Variants in PCNX1 observed in about 807,000 individuals in gnomAD.
PCNX1 encodes pecanex 1.
PCNX1 carries 78 observed loss-of-function variants against 242.2 expected under a neutral mutation model. That is an observed-to-expected ratio of 0.32 (90% CI 0.27 to 0.39). The LOEUF is 0.39. Ranked by LOEUF, PCNX1 falls within the 10% of genes least tolerant of loss-of-function variation. The pLI, the probability that PCNX1 is intolerant of heterozygous loss-of-function variation, is 1.00. For synonymous variants in PCNX1, 1,024 were observed against 1,032.9 expected (o/e 0.99, Z 0.17); for missense variants, 2,581 against 2,856.5 (o/e 0.90, Z 2.20).
At chr14:70,961,529 G>T (rs1003308256) in intron 2 of PCNX1, among the ~76,000 whole-genome samples, 1 of 152,156 alleles carries the variant, frequency 6.6e-6, no homozygotes, top group African/African-American at 2.4e-5. Context: ...TTATCTTTAA[G>T]TACTGTGTTT....
At chr14:70,976,362 T>G (rs1465432762) in intron 5 of PCNX1, among the ~76,000 whole-genome samples, 1 of 136,348 alleles carries the variant, frequency 7.3e-6, no homozygotes. Flanking sequence ...TGCTCTTTCT[T>G]TCTTTCTTTC....
rs151225081 is a variant in PCNX1 at position 71,045,256 on chromosome 14, C to G, written c.3991C>G (p.Leu1331Val). The change falls in exon 20 of 36, where the codon CTA becomes GTA. Residue 1331 changes from leucine (L) to valine (V), a missense_variant. By Grantham distance (32) the Leu-to-Val change is conservative. Around this residue, in one of 9 missense-constraint regions of PCNX1, gnomAD observed 432 missense variants for 443.1 expected, o/e 0.97. Transcript: ENST00000304743. ...HCFSHPLLKTLEYNQYEVRNA... is the reference protein window; with the variant it reads ...HCFSHPLLKTVEYNQYEVRNA... ...TTTCTCTCATCCTCTGCTAAAGACA[C>G]TAGAGTATAATCAGTATGAAGTTCG... The G allele has an allele frequency of 6.2e-7, 1 of 1,611,702 alleles. No homozygotes were observed. Among genetic ancestry groups the G allele is most frequent in the Non-Finnish European group, 8.5e-7 (1 of 1,178,846 alleles).
Position 70,977,954 on chromosome 14 carries a change from A to G in PCNX1, c.1617A>G (p.Glu539=). 1 of 1,614,158 alleles carries G rather than the reference A, an allele frequency of 6.2e-7. No homozygotes were observed. Among genetic ancestry groups the G allele is most frequent in the Non-Finnish European group, 8.5e-7 (1 of 1,180,018 alleles). ...AAGATGTTGGTGGAAAGCAAAAGGAAGGGGATGTTCGACCTAAATCTTCTA... is the reference window on the plus strand; with the variant it reads ...AAGATGTTGGTGGAAAGCAAAAGGAGGGGGATGTTCGACCTAAATCTTCTA... The part of the protein sequence containing the change: ...VRKDVGGKQK[E]GDVRPKSSSV... The change falls in exon 6 of 36, where the codon GAA becomes GAG. Residue 539 remains glutamate (E), a synonymous_variant. Coordinates refer to ENST00000304743, the MANE Select transcript of PCNX1 (RefSeq NM_014982.3).
chr14:71,115,186 C>A lies in PCNX1; in HGVS notation c.*5251C>A, dbSNP rs1038928395. ...GGCCTTTACCAGCATTCAGTATAAACCAGAGATAAGGACATATGTACTTAC... is the reference window on the plus strand; with the variant it reads ...GGCCTTTACCAGCATTCAGTATAAAACAGAGATAAGGACATATGTACTTAC... On this transcript the variant is annotated 3_prime_UTR_variant, in exon 36 of 36. Transcript: ENST00000304743. 2.0e-5 allele frequency: 3 copies of A among 152,408 alleles called. No homozygotes were observed. The highest frequency in any genetic ancestry group is 7.2e-5 in the African/African-American group (3 of 41,380). The allele number at this position is 152,408 out of a possible 1,614,324, so 9.4% of individuals were successfully genotyped here. A position where few individuals can be genotyped will look rare whatever the true frequency, so the allele number is the denominator to read the frequency against.
rs1370498224 is a variant in PCNX1 at position 71,088,345 on chromosome 14, A to G, written c.5353A>G (p.Lys1785Glu). The G allele has an allele frequency of 1.2e-6, 2 of 1,608,128 alleles. No individual in the cohort carries two copies. The highest frequency in any genetic ancestry group is 1.1e-5 in the South Asian group (1 of 90,692). The change falls in exon 29 of 36, where the codon AAA becomes GAA. Residue 1785 changes from lysine (K) to glutamate (E), a missense_variant. By Grantham distance (56) the Lys-to-Glu change is moderately conservative. Coordinates refer to ENST00000304743, the MANE Select transcript of PCNX1 (RefSeq NM_014982.3). ...TTTTTTAAAGCCTGTGGATGTGGAC[A>G]AAGATTCATCCCTAGTGACTCTCTG... ...SRRAKPVDVD[K>E]DSSLVTLCYG...
At chr14:71,092,549 A>G (rs1595487412) in intron 30 of PCNX1, 1 of 152,504 alleles carries the variant, frequency 6.6e-6, no homozygotes, top group Non-Finnish European at 1.5e-5. Flanking sequence ...GATGCCATTA[A>G]GAAAATCATT....
intron 5 of PCNX1, 22 bp downstream of exon 5, chr14:70,969,132 A>C (rs1472070345): frequency 1.5e-6 from 2 of 1,350,614 alleles, no homozygotes; most frequent in Non-Finnish European, 1.1e-6. Flanking sequence ...ATACTTTACC[A>C]TGATGTCATA....
At chr14:70,944,482 G>A (rs1014504869) in intron 1 of PCNX1, among the ~76,000 whole-genome samples, 2 of 152,214 alleles carry the variant, frequency 1.3e-5, no homozygotes, top group Non-Finnish European at 2.9e-5. Context: ...TATCCCCATT[G>A]TACCTAGGAA....
At chr14:71,100,939 A>G (rs979623939) in intron 30 of PCNX1, among the ~76,000 whole-genome samples, 4 of 152,230 alleles carry the variant, frequency 2.6e-5, no homozygotes, top group Non-Finnish European at 5.9e-5. Context: ...TGGAAAATGC[A>G]GGTATTATCA....
intron 28 of PCNX1, among the ~76,000 whole-genome samples, chr14:71,079,689 T>C (rs1203743809): frequency 1.3e-5 from 2 of 152,250 alleles, no homozygotes; most frequent in African/African-American, 4.8e-5. Context: ...TTTTGAGAAG[T>C]GTCTGTTCAT....
At chr14:70,976,339 TA>T (rs1310333539) in intron 5 of PCNX1, among the ~76,000 whole-genome samples, 4 of 151,600 alleles carry the variant, frequency 2.6e-5, no homozygotes, top group African/African-American at 9.7e-5. Context: ...CTATTTTAAG[TA>T]TAGTCCTTTG....
Position 71,019,067 on chromosome 14 carries a change from T to G in PCNX1, c.3055T>G (p.Leu1019Val). The G allele has an allele frequency of 6.2e-7, 1 of 1,613,504 alleles. No homozygotes were observed. The highest frequency in any genetic ancestry group is 8.5e-7 in the Non-Finnish European group (1 of 1,179,648). ...CATCCTGGCTATTCTCGTGGCCTTT[T>G]TGGGATCTATTCTTCTCATACAAGG... ...AVILAILVAF[L>V]GSILLIQGFF... is the part of the protein sequence containing the mutation. The change falls in exon 12 of 36, where the codon TTG (leucine) becomes GTG (valine). Residue 1019 changes from leucine to valine, a missense_variant. Transcript: ENST00000304743.
chr14:71,011,466 G>C (rs745532277), intron 9 of PCNX1, 26 bp from the exon 10 acceptor site: 30 of 1,321,320 alleles, frequency 2.3e-5, no homozygotes, highest in African/African-American at 1.3e-4. Context: ...TTGACAAACT[G>C]TTCCCTATTT....
chr14:70,912,684 G>T (rs897471448), intron 1 of PCNX1, among the ~76,000 whole-genome samples: 1 of 151,946 alleles, frequency 6.6e-6, no homozygotes, highest in South Asian at 2.1e-4. Context: ...ATAAATCTGT[G>T]TCATTCTTTT....
intron 31 of PCNX1, among the ~76,000 whole-genome samples, chr14:71,102,939 G>A (rs2062503436): frequency 6.6e-6 from 1 of 151,822 alleles, no homozygotes; most frequent in African/African-American, 2.4e-5. Flanking sequence ...TTGCTTGTTT[G>A]TTTTTTTAAA....
intron 7 of PCNX1, among the ~76,000 whole-genome samples, chr14:70,994,052 A>T (rs1436374275): frequency 2.6e-5 from 4 of 152,168 alleles, no homozygotes; most frequent in Non-Finnish European, 4.4e-5. Flanking sequence ...TGACAAGTCC[A>T]CATTTGTAGA....
At chr14:71,094,771 G>T (rs955651740) in intron 30 of PCNX1, among the ~76,000 whole-genome samples, 15 of 152,114 alleles carry the variant, frequency 9.9e-5, no homozygotes, top group African/African-American at 3.6e-4. Context: ...CTGCGAAAAA[G>T]AAACAGAAAT....
intron 26 of PCNX1, among the ~76,000 whole-genome samples, chr14:71,061,855 G>A (rs1042396526): frequency 6.6e-6 from 1 of 152,096 alleles, no homozygotes; most frequent in East Asian, 1.9e-4. Flanking sequence ...ACTAATGAGG[G>A]GTTGTTGGAA....
chr14:70,991,228 G>A (rs1238007081), intron 7 of PCNX1, among the ~76,000 whole-genome samples: 1 of 141,682 alleles, frequency 7.1e-6, no homozygotes, highest in East Asian at 2.1e-4. Context: ...TTTTTGAGAC[G>A]GAGTCTCGCT....
Sources: gnomAD v4.1 joint callset for allele counts (sites outside exome capture counted in the v4.1 genomes callset) on GRCh38, gnomAD v4.1.1 for gene constraint, gnomAD v4.1.1 regional missense constraint, MANE v1.5 for transcripts, NCBI Gene and HGNC (gene_info 2026-07-23, HGNC 2026-07-21) for gene names.